Variants in ACTMAP observed in about 807,000 individuals in gnomAD.
ACTMAP encodes actin maturation protease, also known as UPF0692 protein C19orf54.
At chr19:40,742,431 A>G in the ACTMAP span, 1 of 1,456,760 alleles carries the variant, frequency 6.9e-7, no homozygotes. Context: ...CCGCAGCCGC[A>G]GCTAATGGCT....
the ACTMAP span, among the ~76,000 whole-genome samples, chr19:40,743,217 A>G: frequency 6.9e-6 from 1 of 144,850 alleles, no homozygotes; most frequent in East Asian, 2.1e-4. Context: ...GACATGTCAC[A>G]CGCCAAGCCC....
the ACTMAP span, chr19:40,750,036 T>A: frequency 4.8e-6 from 2 of 418,786 alleles, no homozygotes; most frequent in African/African-American, 4.1e-5. Context: ...GTGGGGTCCT[T>A]AAATCCGGAA....
the ACTMAP span, chr19:40,749,892 A>C: frequency 9.0e-7 from 1 of 1,108,228 alleles, no homozygotes; most frequent in African/African-American, 1.6e-5. Flanking sequence ...TGGAGATTTT[A>C]AAGGTTTAAG....
chr19:40,742,205 C>T, the ACTMAP span: 3 of 691,906 alleles, frequency 4.3e-6, no homozygotes, highest in Admixed American at 4.0e-5. Flanking sequence ...GAGAAACAGA[C>T]GATGCGACAT....
chr19:40,743,754 C>T, the ACTMAP span: 3 of 936,280 alleles, frequency 3.2e-6, no homozygotes, highest in Non-Finnish European at 4.9e-6. Context: ...CTCCAACTGG[C>T]AGACACCTGG....
the ACTMAP span, chr19:40,749,338 C>T: frequency 1.5e-5 from 13 of 844,478 alleles, no homozygotes; most frequent in South Asian, 2.4e-4. Context: ...TGGAGGCACA[C>T]CACCATGGAA....
the ACTMAP span, among the ~76,000 whole-genome samples, chr19:40,749,175 G>C: frequency 6.6e-6 from 1 of 151,828 alleles, no homozygotes; most frequent in Non-Finnish European, 1.5e-5. Flanking sequence ...ATTTTTAATA[G>C]AGATGCGGTT....
the ACTMAP span, chr19:40,743,911 T>G: frequency 6.2e-7 from 1 of 1,613,976 alleles, no homozygotes; most frequent in Non-Finnish European, 8.5e-7. Context: ...CCACCTGCAC[T>G]CACCGCCCAG....
At chr19:40,748,424 G>C in the ACTMAP span, among the ~76,000 whole-genome samples, 1 of 152,106 alleles carries the variant, frequency 6.6e-6, no homozygotes, top group Admixed American at 6.6e-5. Context: ...GTGAGTCCTG[G>C]CAAGTCGCTT....
chr19:40,743,112 C>T, the ACTMAP span, among the ~76,000 whole-genome samples: 1 of 152,080 alleles, frequency 6.6e-6, no homozygotes, highest in Non-Finnish European at 1.5e-5. Context: ...AGAAGCTGAG[C>T]GGAGCCTCCC....
At chr19:40,741,856 G>C in the ACTMAP span, 6 of 456,308 alleles carry the variant, frequency 1.3e-5, no homozygotes, top group South Asian at 9.3e-5. Flanking sequence ...TCCCAGATGG[G>C]CTTTAAAACT....
the ACTMAP span, among the ~76,000 whole-genome samples, chr19:40,748,334 G>A: frequency 6.6e-6 from 1 of 151,858 alleles, no homozygotes; most frequent in Admixed American, 6.6e-5. Context: ...GTGGTGGTGG[G>A]CGCCAGTTCA....
chr19:40,742,618 G>T, the ACTMAP span: 1 of 1,612,622 alleles, frequency 6.2e-7, no homozygotes, highest in Non-Finnish European at 8.5e-7. Context: ...CTCTTGCCCT[G>T]CTTGGACAGC....
the ACTMAP span, chr19:40,749,357 G>T: frequency 1.0e-6 from 1 of 983,876 alleles, no homozygotes; most frequent in Non-Finnish European, 1.5e-6. Context: ...AAGAGATCTA[G>T]GTGGGGGACC....
chr19:40,742,073 C>A, the ACTMAP span: 7 of 504,662 alleles, frequency 1.4e-5, no homozygotes, highest in African/African-American at 7.7e-5. Context: ...TGAGGAAGAC[C>A]TTGGGCTAAG....
the ACTMAP span, among the ~76,000 whole-genome samples, chr19:40,742,940 C>A: frequency 1.3e-5 from 2 of 152,150 alleles, no homozygotes; most frequent in African/African-American, 4.8e-5. Flanking sequence ...CACCGTGGCA[C>A]CCGGCTCCAA....
chr19:40,742,637 A>G, the ACTMAP span: 7 of 1,613,410 alleles, frequency 4.3e-6, no homozygotes, highest in East Asian at 1.1e-4. Flanking sequence ...GCAGGTAGAC[A>G]GCTCCCGGGG....
At chr19:40,746,968 G>A in the ACTMAP span, among the ~76,000 whole-genome samples, 8 of 152,070 alleles carry the variant, frequency 5.3e-5, no homozygotes, top group East Asian at 2.0e-4. Context: ...CACCATTTCC[G>A]GCTAATTTTT....
chr19:40,744,576 T>A, the ACTMAP span: 19 of 1,613,584 alleles, frequency 1.2e-5, no homozygotes, highest in Non-Finnish European at 1.5e-5. Context: ...CATCTCTCCC[T>A]GGGCCGTGTA....
Sources: gnomAD v4.1 joint callset for allele counts (sites outside exome capture counted in the v4.1 genomes callset) on GRCh38, gnomAD v4.1.1 for gene constraint, MANE v1.5 for transcripts, NCBI Gene and HGNC (gene_info 2026-07-23, HGNC 2026-07-21) for gene names.